CACNG7: variants seen among roughly 807,000 people sequenced by gnomAD.
CACNG7 encodes the protein voltage-dependent calcium channel gamma-7 subunit.
In CACNG7, 9 loss-of-function variants were observed where a neutral mutation model predicts 26.3. That is an observed-to-expected ratio of 0.34 (90% CI 0.21 to 0.60). The LOEUF (loss-of-function observed/expected upper bound fraction) is 0.60. Among genes scored for constraint, CACNG7 ranks in the 20% least tolerant of loss-of-function variants. The pLI is 0.81. For missense variants in CACNG7, 297 were observed against 380.4 expected (o/e 0.78, Z 1.82); for synonymous variants, 170 against 157.0 (o/e 1.08, Z -0.62).
chr19:53,928,851 C>T (rs935433663), intron 4 of CACNG7, among the ~76,000 whole-genome samples: 8 of 152,074 alleles, frequency 5.3e-5, no homozygotes, highest in Non-Finnish European at 7.3e-5. Flanking sequence ...TAGCTCACGC[C>T]TGTAATCCCA....
At chr19:53,915,530 G>T in intron 4 of CACNG7, 25 bp downstream of exon 4, 3 of 1,612,314 alleles carry the variant, frequency 1.9e-6, no homozygotes, top group South Asian at 2.2e-5. Flanking sequence ...TTGGGGGTTG[G>T]GGGGGACCAT....
intron 4 of CACNG7, among the ~76,000 whole-genome samples, chr19:53,935,467 C>T (rs2069098644): frequency 6.6e-6 from 1 of 151,578 alleles, no homozygotes; most frequent in Non-Finnish European, 1.5e-5. Context: ...GAACTACAGG[C>T]TAATGCCACC....
chr19:53,933,661 ATTTT>A (rs1171591694), intron 4 of CACNG7, among the ~76,000 whole-genome samples: 1 of 136,236 alleles, frequency 7.3e-6, no homozygotes, highest in Non-Finnish European at 1.6e-5. Flanking sequence ...TGCAGGTTTG[ATTTT>A]TTTTTTTTTT....
intron 4 of CACNG7, among the ~76,000 whole-genome samples, chr19:53,931,166 A>G (rs1380061330): frequency 1.3e-5 from 2 of 152,210 alleles, no homozygotes; most frequent in African/African-American, 4.8e-5. Flanking sequence ...ACTACACTTC[A>G]GCCTGGGCAA....
chr19:53,930,605 C>T (rs2069065361), intron 4 of CACNG7, among the ~76,000 whole-genome samples: 1 of 152,092 alleles, frequency 6.6e-6, no homozygotes, highest in South Asian at 2.1e-4. Context: ...GAACTCCTGA[C>T]CTCATGATCT....
chr19:53,925,530 TCCCAGGCTGGTCATTGGTGGACTTGC>T (rs2069022487), intron 4 of CACNG7, among the ~76,000 whole-genome samples: 1 of 45,726 alleles, frequency 2.2e-5, no homozygotes, highest in African/African-American at 2.1e-4. Context: ...GGTGGAGTTG[TCCCAGGCTGGTCATTGGTGGACTTGC>T]CCCAGGTCTG....
At chr19:53,920,900 T>C (rs1443317842) in intron 4 of CACNG7, among the ~76,000 whole-genome samples, 1 of 118,206 alleles carries the variant, frequency 8.5e-6, no homozygotes, top group Non-Finnish European at 1.7e-5. Context: ...GGTCTGGTCA[T>C]TGGTGGAGTT....
intron 3 of CACNG7, among the ~76,000 whole-genome samples, chr19:53,914,809 C>T (rs989867262): frequency 2.6e-5 from 4 of 151,986 alleles, no homozygotes; most frequent in Admixed American, 6.6e-5. Flanking sequence ...CGAAACCAGC[C>T]TGGCCAACAT....
At chr19:53,910,886 G>A (rs1478050125) in intron 1 of CACNG7, among the ~76,000 whole-genome samples, 1 of 152,114 alleles carries the variant, frequency 6.6e-6, no homozygotes, top group Non-Finnish European at 1.5e-5. Context: ...TGGGAAACCG[G>A]GGTCCAGAAC....
intron 4 of CACNG7, among the ~76,000 whole-genome samples, chr19:53,925,974 A>C (rs1162515499): frequency 1.3e-5 from 2 of 152,190 alleles, no homozygotes; most frequent in Non-Finnish European, 2.9e-5. Flanking sequence ...AGGCATGTGC[A>C]TGCCTGTCCC....
In CACNG7 at chr19:53,941,691, G is replaced by A. The variant is rs543348527; in HGVS notation, c.570+76G>A. On this transcript the variant is annotated intron_variant, in intron 5 of 5. Coordinates refer to ENST00000391767, the MANE Select transcript of CACNG7 (RefSeq NM_031896.5). ...GGGGGCCTGGTTCCTGAGTCCAGGA[G>A]GAAGGAGAGGCTGGAGATGCAGACT... is the stretch of plus-strand genomic sequence containing the variant. 1.9e-5 allele frequency: 29 copies of A among 1,518,106 alleles called. No individual in the cohort carries two copies. The East Asian group carries it at 6.5e-4, about 34-fold the overall frequency. The allele number at this position is 1,518,106 out of a possible 1,614,324, so 94.0% of individuals were successfully genotyped here.
chr19:53,916,863 T>C (rs935458312), intron 4 of CACNG7, among the ~76,000 whole-genome samples: 2 of 150,100 alleles, frequency 1.3e-5, no homozygotes, highest in Non-Finnish European at 3.0e-5. Flanking sequence ...ACTGGCGTGA[T>C]CTCGGCCCAT....
intron 2 of CACNG7, among the ~76,000 whole-genome samples, chr19:53,913,333 A>T (rs1486316862): frequency 1.3e-5 from 2 of 151,744 alleles, no homozygotes; most frequent in African/African-American, 4.8e-5. Flanking sequence ...AAAAAAAAAA[A>T]TGCATGGGAC....
At chr19:53,924,922 C>T (rs1247450558) in intron 4 of CACNG7, among the ~76,000 whole-genome samples, 1 of 147,722 alleles carries the variant, frequency 6.8e-6, no homozygotes, top group Admixed American at 6.8e-5. Context: ...TGGAGTTGCC[C>T]CAGGTCTGGT....
intron 4 of CACNG7, among the ~76,000 whole-genome samples, chr19:53,925,300 T>C (rs1187923395): frequency 1.4e-5 from 2 of 138,654 alleles, no homozygotes; most frequent in East Asian, 4.6e-4. Flanking sequence ...GTCCCAGGTC[T>C]GGTCATTGGT....
chr19:53,910,965 G>A (rs1327993316), intron 1 of CACNG7, among the ~76,000 whole-genome samples: 2 of 151,998 alleles, frequency 1.3e-5, no homozygotes, highest in Non-Finnish European at 2.9e-5. Flanking sequence ...AGATTTTAGA[G>A]TTCAGGGCAC....
rs146396806 is a variant in CACNG7 at position 53,935,072 on chromosome 19, G to A, written c.425-6398G>A. 1.9e-3 allele frequency among the ~76,000 whole-genome samples: 277 copies of A among 148,788 alleles called. 3 individuals carry two copies. The highest frequency in any genetic ancestry group is 2.9e-3 in the Non-Finnish European group (196 of 67,920). On this transcript the variant is annotated intron_variant, in intron 4 of 5. Transcript: ENST00000391767. ...TACATATATACCTATGTATACACAC[G>A]TTATATATACATATATACACACAAA...
At chr19:53,911,423 T>C (rs923859031) in intron 1 of CACNG7, among the ~76,000 whole-genome samples, 8 of 152,128 alleles carry the variant, frequency 5.3e-5, no homozygotes, top group Admixed American at 2.0e-4. Context: ...TCTATGTCTC[T>C]GGGTTCCAAT....
At chr19:53,932,889 C>A (rs1379040701) in intron 4 of CACNG7, among the ~76,000 whole-genome samples, 1 of 149,578 alleles carries the variant, frequency 6.7e-6, no homozygotes, top group Non-Finnish European at 1.5e-5. Context: ...GGCACTGCAA[C>A]CTCCGCCTCC....
Sources: gnomAD v4.1 joint callset for allele counts (sites outside exome capture counted in the v4.1 genomes callset) on GRCh38, gnomAD v4.1.1 for gene constraint, MANE v1.5 for transcripts, NCBI Gene and HGNC (gene_info 2026-07-23, HGNC 2026-07-21) for gene names.